Variants in SCN9A observed in about 807,000 individuals in gnomAD.
The protein encoded by SCN9A is sodium channel protein type 9 subunit alpha.
A neutral mutation model predicts 187.0 loss-of-function variants in SCN9A; 131 were observed. That is an observed-to-expected ratio of 0.70 (90% CI 0.61 to 0.81). The LOEUF (loss-of-function observed/expected upper bound fraction) is 0.81. Ranked by LOEUF, SCN9A falls within the 30% of genes least tolerant of loss-of-function variation. The probability of loss-of-function intolerance (pLI) is 0.00; values close to 1 mark genes in which losing one functional copy is unlikely to be tolerated. For missense variants in SCN9A, 2,252 were observed against 2,396.6 expected (o/e 0.94, Z 1.26); for synonymous variants, 809 against 808.6 (o/e 1.00, Z -0.01).
At position 166,286,384 on chromosome 2, in the gene SCN9A, G is replaced by A. The variant is rs201054032; in HGVS notation, c.1554C>T (p.Val518=). Residue 518 remains valine, a synonymous_variant, in exon 11 of 27, where the codon GTC becomes GTT. Transcript: ENST00000642356. ...TTTCATGTGCTCGCCTATGCCCTTC[G>A]ACACCAAGGTGGAAACTTTTTCTTC... ...SIRRKSFHLG[V]EGHRRAHEKR... The A allele has an allele frequency of 8.5e-5, 137 of 1,613,624 alleles. No homozygotes were observed. Among genetic ancestry groups the A allele is most frequent in the Non-Finnish European group, 1.1e-4 (134 of 1,179,782 alleles).
chr2:166,349,681 C>T (rs566583346), intron 1 of SCN9A, among the ~76,000 whole-genome samples: 15 of 152,176 alleles, frequency 9.9e-5, no homozygotes, highest in African/African-American at 3.6e-4. Context: ...GTGTATATAA[C>T]AATACCTCAG....
chr2:166,222,958 A>AAAAAAAAAAAAAAAAAAC (rs1694677310), intron 24 of SCN9A, among the ~76,000 whole-genome samples: 1 of 146,042 alleles, frequency 6.8e-6, no homozygotes, highest in Non-Finnish European at 1.5e-5. Flanking sequence ...AAAAAAAAAA[A>AAAAAAAAAAAAAAAAAAC]AAAAAAAAAA....
intron 18 of SCN9A, among the ~76,000 whole-genome samples, chr2:166,243,783 G>A (rs996404722): frequency 1.3e-5 from 2 of 151,974 alleles, no homozygotes; most frequent in African/African-American, 4.8e-5. Context: ...AGGGTTATAA[G>A]CAGGGAACGA....
In SCN9A at chr2:166,199,769, C is replaced by T. The variant is rs765755704; in HGVS notation, c.4870G>A (p.Val1624Ile). 2.2e-5 allele frequency: 36 copies of T among 1,613,904 alleles called. No individual in the cohort carries two copies. The highest frequency in any genetic ancestry group is 1.6e-4 in the Middle Eastern group (1 of 6,084). Residue 1624 changes from valine (V) to isoleucine (I), a missense_variant, in exon 27 of 27, where the codon GTC (valine) becomes ATC (isoleucine). Val to Ile is a conservative substitution (Grantham distance 29, BLOSUM62 3). Transcript: ENST00000642356. Reference protein sequence around the residue: ...LARIGRILRLVKGAKGIRTLL... With the variant: ...LARIGRILRLIKGAKGIRTLL... ...GTGCGGATCCCCTTTGCTCCTTTGA[C>T]TAGACGTAGGATTCGGCCAATCCTG...
At position 166,299,378 on chromosome 2, in the gene SCN9A, TTC is replaced by T. The variant is rs1221957296; in HGVS notation, c.901+3710_901+3711del. On this transcript the variant is annotated intron_variant, in intron 7 of 26. Transcript: ENST00000642356. Reference sequence around the variant, plus strand: ...CACTTACCCAAATTTTCTCAAGAAATTCTCTGATGACTTCCCTGTTACTTAAC... The same window carrying T: ...CACTTACCCAAATTTTCTCAAGAAATTCTGATGACTTCCCTGTTACTTAAC... 1.3e-5 allele frequency among the ~76,000 whole-genome samples: 2 copies of T among 150,826 alleles called. 1 individual carries two copies. Among genetic ancestry groups the T allele is most frequent in the African/African-American group, 5.0e-5 (2 of 40,172 alleles).
intron 9 of SCN9A, among the ~76,000 whole-genome samples, chr2:166,290,051 C>T (rs896847719): frequency 5.3e-5 from 8 of 152,090 alleles, no homozygotes; most frequent in Non-Finnish European, 8.8e-5. Context: ...GTTGTCCTAA[C>T]GTTCTCCCTC....
intron 1 of SCN9A, among the ~76,000 whole-genome samples, chr2:166,333,433 T>C (rs1305129226): frequency 6.6e-6 from 1 of 152,098 alleles, no homozygotes; most frequent in African/African-American, 2.4e-5. Flanking sequence ...ATGTCTTCCA[T>C]AGTGGTCACA....
intron 1 of SCN9A, among the ~76,000 whole-genome samples, chr2:166,339,289 T>C (rs976499818): frequency 1.3e-5 from 2 of 152,166 alleles, no homozygotes; most frequent in African/African-American, 4.8e-5. Context: ...CTTAACTTTC[T>C]TAAAGGCACA....
intron 9 of SCN9A, among the ~76,000 whole-genome samples, chr2:166,292,225 G>T (rs1402347742): frequency 2.0e-5 from 3 of 151,952 alleles, no homozygotes; most frequent in East Asian, 3.9e-4. Flanking sequence ...AAATTTATAA[G>T]ATAATTAACA....
intron 2 of SCN9A, among the ~76,000 whole-genome samples, chr2:166,309,392 G>A (rs950932186): frequency 3.9e-5 from 6 of 152,270 alleles, no homozygotes; most frequent in Non-Finnish European, 7.3e-5. Context: ...AAATAGGTAT[G>A]ATTATAAAAT....
chr2:166,268,972 C>T (rs1204240441), intron 17 of SCN9A, among the ~76,000 whole-genome samples: 1 of 151,830 alleles, frequency 6.6e-6, no homozygotes, highest in Admixed American at 6.6e-5. Context: ...AAACACTATG[C>T]TACATGACTT....
intron 1 of SCN9A, among the ~76,000 whole-genome samples, chr2:166,328,395 C>A (rs1440166166): frequency 1.3e-5 from 2 of 152,014 alleles, no homozygotes; most frequent in Admixed American, 6.6e-5. Flanking sequence ...TTTTCCTGAT[C>A]TTCTGCCTCC....
intron 16 of SCN9A, among the ~76,000 whole-genome samples, chr2:166,274,191 G>A (rs1004349541): frequency 2.0e-5 from 3 of 152,066 alleles, no homozygotes; most frequent in Non-Finnish European, 2.9e-5. Flanking sequence ...TTCTCACTTC[G>A]TTGAGAACAG....
intron 18 of SCN9A, among the ~76,000 whole-genome samples, chr2:166,247,443 G>T (rs545587305): frequency 2.6e-5 from 4 of 152,166 alleles, no homozygotes; most frequent in African/African-American, 9.6e-5. Context: ...TAGGAAGGGG[G>T]TGAATACAAA....
chr2:166,297,400 A>G (rs1226847666), intron 7 of SCN9A, among the ~76,000 whole-genome samples: 1 of 152,106 alleles, frequency 6.6e-6, no homozygotes, highest in Non-Finnish European at 1.5e-5. Context: ...AAAATATAGC[A>G]TATACATACA....
In SCN9A at chr2:166,373,643, A is replaced by G. The variant is rs148931877; in HGVS notation, c.-51+2054T>C. On this transcript the variant is annotated intron_variant, in intron 1 of 26. Transcript: ENST00000642356. ...AAGAGAGCAATCAAAGGTGATTTCA[A>G]TACTTGGATGGTGAAGGCATTTATT... is the stretch of plus-strand genomic sequence containing the variant. Among the ~76,000 whole-genome samples the G allele has an allele frequency of 1.5e-3, 228 of 152,326 alleles. No individual in the cohort carries two copies. The South Asian group carries it at 0.017, about 11-fold the overall frequency.
intron 1 of SCN9A, among the ~76,000 whole-genome samples, chr2:166,373,700 G>A (rs990983086): frequency 3.3e-5 from 5 of 152,078 alleles, no homozygotes; most frequent in African/African-American, 1.2e-4. Context: ...AAGAATCTGA[G>A]ACAGAGTTTT....
At chr2:166,222,327 T>C (rs1424310151) in intron 24 of SCN9A, among the ~76,000 whole-genome samples, 3 of 152,098 alleles carry the variant, frequency 2.0e-5, no homozygotes, top group African/African-American at 7.2e-5. Context: ...ATCAGAAAAT[T>C]CAAATAAAAA....
intron 18 of SCN9A, among the ~76,000 whole-genome samples, chr2:166,247,736 C>T (rs986252423): frequency 3.9e-5 from 6 of 152,166 alleles, no homozygotes; most frequent in Non-Finnish European, 5.9e-5. Flanking sequence ...AGGATGGTCT[C>T]GATCTCTTGA....
Sources: gnomAD v4.1 joint callset for allele counts (sites outside exome capture counted in the v4.1 genomes callset) on GRCh38, gnomAD v4.1.1 for gene constraint, MANE v1.5 for transcripts, NCBI Gene and HGNC (gene_info 2026-07-23, HGNC 2026-07-21) for gene names.